PANK1: variants seen among roughly 807,000 people sequenced by gnomAD.
The protein encoded by PANK1 is pantothenate kinase 1.
Under a neutral mutation model 40.1 loss-of-function variants are expected in PANK1, and 18 were observed. The observed-to-expected ratio is 0.45, with a 90% CI of 0.31 to 0.67. PANK1 has a LOEUF of 0.67. PANK1 is among the 30% of genes least tolerant of loss of function. The pLI, the probability that PANK1 is intolerant of heterozygous loss-of-function variation, is 0.06. For synonymous variants in PANK1, 242 were observed against 237.7 expected (o/e 1.02, Z -0.17); for missense variants, 457 against 599.6 (o/e 0.76, Z 2.48).
intron 6 of PANK1, among the ~76,000 whole-genome samples, chr10:89,587,520 A>T (rs1844231221): frequency 6.6e-6 from 1 of 152,232 alleles, no homozygotes; most frequent in Non-Finnish European, 1.5e-5. Context: ...ACCTGTAAAC[A>T]TTCTGCAACC....
At chr10:89,600,139 C>T (rs887119496) in intron 2 of PANK1, among the ~76,000 whole-genome samples, 1 of 152,150 alleles carries the variant, frequency 6.6e-6, no homozygotes, top group Non-Finnish European at 1.5e-5. Flanking sequence ...GAACTACAAA[C>T]GAATAAATTT....
rs768023030 is a variant in PANK1 at position 89,644,576 on chromosome 10, C to T, written c.292+24G>A. 7.6e-6 allele frequency: 12 copies of T among 1,572,804 alleles called. No homozygotes were observed. In the South Asian group the frequency reaches 1.4e-4, roughly 18 times the overall value. On this transcript the variant is annotated intron_variant, in intron 1 of 6. Transcript: ENST00000307534. Reference sequence around the variant, plus strand: ...GCACGCTGCGTCTGCCTTGCGCCCGCGCTCCCCTCCCAGCGGGACTTACGC... The same window carrying T: ...GCACGCTGCGTCTGCCTTGCGCCCGTGCTCCCCTCCCAGCGGGACTTACGC...
At chr10:89,606,215 C>T (rs1261679507) in intron 2 of PANK1, among the ~76,000 whole-genome samples, 10 of 152,146 alleles carry the variant, frequency 6.6e-5, no homozygotes, top group Non-Finnish European at 1.0e-4. Flanking sequence ...TTCAAGTCAC[C>T]GGCTGCATTA....
chr10:89,599,040 C>A, intron 3 of PANK1: 2 of 524,606 alleles, frequency 3.8e-6, no homozygotes, highest in East Asian at 6.4e-5. Context: ...CTCAACCTGA[C>A]CAAAGTTTCT....
intron 1 of PANK1, among the ~76,000 whole-genome samples, chr10:89,640,392 T>TATAC (rs1841936449): frequency 6.7e-6 from 1 of 149,954 alleles, no homozygotes; most frequent in South Asian, 2.1e-4. Context: ...AAGGAGAGAA[T>TATAC]ACACACACAC....
intron 1 of PANK1, among the ~76,000 whole-genome samples, chr10:89,619,002 C>A (rs762502023): frequency 6.6e-6 from 1 of 152,140 alleles, no homozygotes; most frequent in Non-Finnish European, 1.5e-5. Flanking sequence ...AAATCCTTCG[C>A]GGTTTTTAAA....
At chr10:89,579,581 A>G (rs1844016256), downstream of PANK1, 1 of 152,210 alleles carries the variant, frequency 6.6e-6, no homozygotes, top group African/African-American at 2.4e-5. Flanking sequence ...TCAGTTTCCC[A>G]AAAACATCTT....
At chr10:89,635,659 T>C (rs1263819545) in intron 1 of PANK1, among the ~76,000 whole-genome samples, 1 of 152,164 alleles carries the variant, frequency 6.6e-6, no homozygotes, top group Non-Finnish European at 1.5e-5. Context: ...CAGCATCAGC[T>C]CAGAAGTTCA....
intron 1 of PANK1, among the ~76,000 whole-genome samples, chr10:89,644,294 C>T (rs981833621): frequency 1.3e-5 from 2 of 152,190 alleles, no homozygotes; most frequent in Non-Finnish European, 2.9e-5. Flanking sequence ...TCCCAGCCAC[C>T]AATTAGAAGG....
chr10:89,612,060 A>C lies in PANK1; in HGVS notation c.293-12T>G. The C allele has an allele frequency of 6.2e-7, 1 of 1,603,308 alleles. No individual in the cohort carries two copies. The highest frequency in any genetic ancestry group is 8.5e-7 in the Non-Finnish European group (1 of 1,173,610). The stretch of plus-strand genomic sequence containing the variant: ...AAACCATGGGAATGCTAAAGGACAG[A>C]AAGAAAGAGTGCTGCTGAATGCTAT... On this transcript the variant is annotated splice_polypyrimidine_tract_variant and intron_variant, in intron 1 of 6. Coordinates refer to ENST00000307534, the MANE Select transcript of PANK1 (RefSeq NM_148977.3).
intron 1 of PANK1, among the ~76,000 whole-genome samples, chr10:89,634,578 C>G (rs1047326968): frequency 6.6e-6 from 1 of 151,918 alleles, no homozygotes; most frequent in Admixed American, 6.6e-5. Context: ...AAAAAATGAC[C>G]CAAGAACTTG....
At chr10:89,618,356 C>G (rs1055370500) in intron 1 of PANK1, among the ~76,000 whole-genome samples, 1 of 152,184 alleles carries the variant, frequency 6.6e-6, no homozygotes, top group Admixed American at 6.5e-5. Flanking sequence ...TAACTTGCCA[C>G]TTTTAGTTCA....
chr10:89,612,202 G>A lies in PANK1; in HGVS notation c.293-154C>T, dbSNP rs141505383. ...ATTCAACTATATGTGCCTAAAAGGT[G>A]GCACAGACAGAGAAAATTTTACAAT... On this transcript the variant is annotated intron_variant, in intron 1 of 6. Coordinates refer to ENST00000307534, the MANE Select transcript of PANK1 (RefSeq NM_148977.3). Among the ~76,000 whole-genome samples, 259 of 152,242 alleles carry A rather than the reference G, an allele frequency of 1.7e-3. 4 individuals carry two copies. The highest frequency in any genetic ancestry group is 5.9e-3 in the African/African-American group (245 of 41,552).
At chr10:89,585,311 A>G (rs543349990) in intron 6 of PANK1, among the ~76,000 whole-genome samples, 1 of 152,312 alleles carries the variant, frequency 6.6e-6, no homozygotes, top group Admixed American at 6.5e-5. Context: ...CCACCTCCCA[A>G]TACCATCACT....
At chr10:89,617,478 T>C (rs189936309) in intron 1 of PANK1, among the ~76,000 whole-genome samples, 68 of 152,300 alleles carry the variant, frequency 4.5e-4, no homozygotes, top group Admixed American at 4.4e-3. Flanking sequence ...AGAGATGAGC[T>C]CTCTCTGGTT....
intron 1 of PANK1, among the ~76,000 whole-genome samples, chr10:89,643,260 T>C (rs926062004): frequency 4.6e-5 from 7 of 152,222 alleles, no homozygotes; most frequent in Non-Finnish European, 8.8e-5. Context: ...AAATCACAGG[T>C]AATCAATATT....
chr10:89,598,067 T>G (rs1397560002), intron 3 of PANK1, among the ~76,000 whole-genome samples: 1 of 152,196 alleles, frequency 6.6e-6, no homozygotes, highest in Non-Finnish European at 1.5e-5. Context: ...TATTTGAGGC[T>G]CAATAATTTT....
Position 89,644,640 on chromosome 10 carries a change from C to G in PANK1, c.252G>C (p.Arg84=), listed in dbSNP as rs567385024. 1 of 1,586,028 alleles carries G rather than the reference C, an allele frequency of 6.3e-7. No individual in the cohort carries two copies. Among genetic ancestry groups the G allele is most frequent in the South Asian group, 1.1e-5 (1 of 88,054 alleles). The change falls in exon 1 of 7, where the codon CGG becomes CGC. Residue 84 remains arginine (R), a synonymous_variant. Coordinates refer to ENST00000307534, the MANE Select transcript of PANK1 (RefSeq NM_148977.3). ...PQHDSPAKKC[R]LRRRMDSGRK... The stretch of plus-strand genomic sequence containing the variant: ...TCCCCGAGTCCATCCTCCTCCGCAG[C>G]CGGCATTTCTTGGCCGGGGAGTCAT...
At chr10:89,601,237 C>T (rs192405144) in intron 2 of PANK1, among the ~76,000 whole-genome samples, 8 of 144,908 alleles carry the variant, frequency 5.5e-5, no homozygotes, top group African/African-American at 1.0e-4. Context: ...CATTTTGGGG[C>T]GCCGAGGTGA....
Sources: gnomAD v4.1 joint callset for allele counts (sites outside exome capture counted in the v4.1 genomes callset) on GRCh38, gnomAD v4.1.1 for gene constraint, MANE v1.5 for transcripts, NCBI Gene and HGNC (gene_info 2026-07-23, HGNC 2026-07-21) for gene names.